The following CUBN variants were observed in gnomAD, a reference collection of about 807,000 sequenced individuals.
The protein encoded by CUBN is 460 kDa receptor.
In CUBN, 282 loss-of-function variants were observed where a neutral mutation model predicts 405.3. That is an observed-to-expected ratio of 0.70 (90% CI 0.63 to 0.77). CUBN has a LOEUF of 0.77. Among genes scored for constraint, CUBN ranks in the 30% least tolerant of loss-of-function variants. CUBN has a pLI of 0.00. For missense variants in CUBN, 4,514 were observed against 4,475.2 expected, an observed-to-expected ratio of 1.01 and a Z score of -0.25; for synonymous variants, 1,684 against 1,617.0, an observed-to-expected ratio of 1.04 and a Z score of -0.99.
intron 54 of CUBN, among the ~76,000 whole-genome samples, chr10:16,895,813 T>A (rs1402347596): frequency 6.6e-6 from 1 of 152,214 alleles, no homozygotes; most frequent in Non-Finnish European, 1.5e-5. Flanking sequence ...ATCACTTAGA[T>A]CATGTTTTGG....
rs1835667942 is a variant in CUBN at position 17,068,662 on chromosome 10, T to C, written c.2734A>G (p.Lys912Glu). 1 of 1,613,232 alleles carries C rather than the reference T, an allele frequency of 6.2e-7. No individual in the cohort carries two copies. Among genetic ancestry groups the C allele is most frequent in the Non-Finnish European group, 8.5e-7 (1 of 1,179,484 alleles). ...CCATGGTTTTCAGTAGAAGAACTTT[T>C]CACGAATGTGACATAAAGAAAATTG... ...VYNFLYVTFV[K>E]SSSTENHGFM... Residue 912 changes from lysine to glutamate, a missense_variant, in exon 20 of 67, where the codon AAA becomes GAA. By Grantham distance (56) the Lys-to-Glu change is moderately conservative. Transcript: ENST00000377833.
At chr10:16,939,411 G>A (rs1842598316) in intron 37 of CUBN, among the ~76,000 whole-genome samples, 1 of 152,100 alleles carries the variant, frequency 6.6e-6, no homozygotes, top group Admixed American at 6.6e-5. Context: ...GGGGACTTGG[G>A]GACATGGGAA....
rs1443056986 is a variant in CUBN at position 16,824,622 on chromosome 10, G to A, written c.*353C>T. 4 of 328,136 alleles carry A rather than the reference G, an allele frequency of 1.2e-5. No individual in the cohort carries two copies. Among genetic ancestry groups the A allele is most frequent in the Non-Finnish European group, 2.4e-5 (4 of 166,952 alleles). 20.3% of individuals were successfully genotyped at this position (328,136 alleles called of 1,614,324 possible). On this transcript the variant is annotated 3_prime_UTR_variant, in exon 67 of 67. Transcript: ENST00000377833. ...TGCAACCTCTGCCTCCTGGGTTCAAGCAATTCTCCTGCCTCAGCCTCTCGA... is the reference window on the plus strand; with the variant it reads ...TGCAACCTCTGCCTCCTGGGTTCAAACAATTCTCCTGCCTCAGCCTCTCGA...
intron 31 of CUBN, among the ~76,000 whole-genome samples, chr10:16,964,481 G>A (rs544731366): frequency 6.6e-6 from 1 of 152,218 alleles, no homozygotes; most frequent in Non-Finnish European, 1.5e-5. Flanking sequence ...GTATATATTT[G>A]TATGTGTGTG....
intron 47 of CUBN, 25 bp from the exon 48 acceptor site, chr10:16,914,017 A>T: frequency 6.2e-7 from 1 of 1,612,746 alleles, no homozygotes; most frequent in Non-Finnish European, 8.5e-7. Flanking sequence ...AAGCCAAGAA[A>T]ACTTTCAATC....
At chr10:16,833,106 C>T (rs750320220) in intron 64 of CUBN, among the ~76,000 whole-genome samples, 4 of 152,254 alleles carry the variant, frequency 2.6e-5, no homozygotes, top group African/African-American at 7.2e-5. Context: ...AAATGGCAAA[C>T]GTTGACTCTG....
chr10:17,087,012 G>C (rs562356905), intron 15 of CUBN, among the ~76,000 whole-genome samples: 9 of 152,328 alleles, frequency 5.9e-5, no homozygotes, highest in African/African-American at 2.2e-4. Flanking sequence ...TTTCCAGAGA[G>C]AGACAGATCT....
chr10:16,960,001 A>G (rs1248804225), intron 31 of CUBN, among the ~76,000 whole-genome samples: 1 of 152,234 alleles, frequency 6.6e-6, no homozygotes, highest in Non-Finnish European at 1.5e-5. Flanking sequence ...AGATGATAGT[A>G]ATAAAATAAA....
chr10:17,038,375 T>C (rs1372708886), intron 27 of CUBN, among the ~76,000 whole-genome samples: 1 of 152,202 alleles, frequency 6.6e-6, no homozygotes, highest in Non-Finnish European at 1.5e-5. Flanking sequence ...ATGGTCTCAC[T>C]CCTTTAAGCA....
chr10:16,913,979 A>T lies in CUBN; in HGVS notation c.7365T>A (p.Asp2455Glu), dbSNP rs117128556. ...FESSMEECGG[D>E]LQGSIGTFTS... ...TAAATGTTCCAATAGAGCCCTGAAG[A>T]TCCCCACCACACTCTGACGTGGGGA... Residue 2455 changes from aspartate (D) to glutamate (E), a missense_variant, in exon 48 of 67, where the codon GAT becomes GAA. This residue lies in a region of CUBN where 1,613 missense variants were observed against 1,542.8 expected (regional missense o/e 1.05). Transcript: ENST00000377833. 10,816 of 1,614,016 alleles carry T rather than the reference A, an allele frequency of 6.7e-3. 46 individuals are homozygous for T. The highest frequency in any genetic ancestry group is 8.0e-3 in the Non-Finnish European group (9,398 of 1,180,008).
rs2131611574 is a variant in CUBN, at chr10:16,942,792, G to GGGAAGGGAAGGGAAGGGAAAA, written c.5343-2556_5343-2555insTTTTCCCTTCCCTTCCCTTCC. The stretch of plus-strand genomic sequence containing the variant: ...GGGAAAGGGTAAAGGAAAAAGGGAA[G>GGGAAGGGAAGGGAAGGGAAAA]GGAAGGGAAGGGAAAAGGAAGGGAA... On this transcript the variant is annotated intron_variant, in intron 36 of 66. Coordinates refer to ENST00000377833, the MANE Select transcript of CUBN (RefSeq NM_001081.4). Among the ~76,000 whole-genome samples the GGGAAGGGAAGGGAAGGGAAAA allele has an allele frequency of 2.0e-5, 3 of 147,024 alleles. No individual in the cohort carries two copies. The South Asian group carries it at 6.8e-4, about 33-fold the overall frequency.
Position 16,933,215 on chromosome 10 carries a change from C to T in CUBN, c.5996G>A (p.Ser1999Asn), listed in dbSNP as rs1842410332. 6.2e-7 allele frequency: 1 copy of T among 1,613,988 alleles called. No homozygotes were observed. Among genetic ancestry groups the T allele is most frequent in the African/African-American group, 1.3e-5 (1 of 74,906 alleles). ...VFLFSPGWPDSYSNRVDCTWL... is the reference protein window; with the variant it reads ...VFLFSPGWPDNYSNRVDCTWL... ...CGTACAGTCCACTCTATTACTGTAA[C>T]TGTCAGGCCAGCCCGGGGAGAAGAG... is the stretch of plus-strand genomic sequence containing the variant. The change falls in exon 40 of 67, where the codon AGT (serine) becomes AAT (asparagine). Residue 1999 changes from serine (S) to asparagine (N), a missense_variant. By Grantham distance (46) the Ser-to-Asn change is conservative. This residue lies in a region of CUBN where 1,613 missense variants were observed against 1,542.8 expected (regional missense o/e 1.05). Coordinates refer to ENST00000377833, the MANE Select transcript of CUBN (RefSeq NM_001081.4).
intron 31 of CUBN, among the ~76,000 whole-genome samples, chr10:16,966,508 G>T (rs1843396749): frequency 6.6e-6 from 1 of 151,914 alleles, no homozygotes; most frequent in Non-Finnish European, 1.5e-5. Flanking sequence ...GAGTGCAGTG[G>T]TGCAATCTCG....
In CUBN at chr10:16,824,760, T is replaced by G. The variant is rs1347985065; in HGVS notation, c.*215A>C. Reference sequence around the variant, plus strand: ...GTCTCAAACTCCTGACCTCAGGTGATCAACCTGCCTCGGCCTCCCAAAGTG... The same window carrying G: ...GTCTCAAACTCCTGACCTCAGGTGAGCAACCTGCCTCGGCCTCCCAAAGTG... On this transcript the variant is annotated 3_prime_UTR_variant, in exon 67 of 67. Transcript: ENST00000377833. 4 of 505,480 alleles carry G rather than the reference T, an allele frequency of 7.9e-6. No individual in the cohort carries two copies. Among genetic ancestry groups the G allele is most frequent in the South Asian group, 7.2e-5 (4 of 55,718 alleles). 31.3% of individuals were successfully genotyped at this position (505,480 alleles called of 1,614,324 possible). A position where few individuals can be genotyped will look rare whatever the true frequency, so the allele number is the denominator to read the frequency against.
At position 17,105,585 on chromosome 10, in the gene CUBN, A is replaced by C; in HGVS notation, c.1112-10T>G. On this transcript the variant is annotated splice_polypyrimidine_tract_variant and intron_variant, in intron 10 of 66. Transcript: ENST00000377833. ...CAGAGAGGTAAGGAACCTGTTCAGA[A>C]ATAAAAACAAACGTGTAAATACAGG... The C allele has an allele frequency of 6.8e-7, 1 of 1,463,186 alleles. No individual in the cohort carries two copies. Among genetic ancestry groups the C allele is most frequent in the Non-Finnish European group, 9.6e-7 (1 of 1,041,168 alleles). 90.6% of individuals were successfully genotyped at this position (1,463,186 alleles called of 1,614,324 possible).
chr10:17,023,187 AAAGT>A (rs1161055546), intron 27 of CUBN, among the ~76,000 whole-genome samples: 2 of 134,346 alleles, frequency 1.5e-5, no homozygotes, highest in Non-Finnish European at 3.3e-5. Flanking sequence ...ACACATTGTA[AAAGT>A]ACTGGGTGGG....
intron 31 of CUBN, among the ~76,000 whole-genome samples, chr10:16,980,703 C>T (rs59510067): frequency 0.03 from 4,554 of 151,798 alleles, 248 homozygotes; most frequent in African/African-American, 0.11. Context: ...GGGTGGGGGG[C>T]TAAGGGAGGG....
chr10:17,082,889 C>T (rs1272764781), intron 17 of CUBN, among the ~76,000 whole-genome samples: 1 of 152,090 alleles, frequency 6.6e-6, no homozygotes, highest in African/African-American at 2.4e-5. Context: ...TGAGAGGATT[C>T]AATGAAATAA....
chr10:16,928,858 C>G (rs1842286578), intron 40 of CUBN, among the ~76,000 whole-genome samples: 1 of 152,008 alleles, frequency 6.6e-6, no homozygotes. Context: ...TTTCTAAAAA[C>G]TGGCTGCCAG....
Sources: allele counts gnomAD v4.1 joint callset (sites outside exome capture counted in the v4.1 genomes callset), GRCh38; gene constraint gnomAD v4.1.1; regional missense constraint gnomAD v4.1.1; transcripts MANE v1.5; gene names NCBI Gene and HGNC (gene_info 2026-07-23, HGNC 2026-07-21).